Variants in CTNNA3 observed in about 807,000 individuals in gnomAD.
The protein encoded by CTNNA3 is catenin alpha 3, also known as catenin alpha-3.
A neutral mutation model predicts 95.7 loss-of-function variants in CTNNA3; 76 were observed. The observed-to-expected ratio is 0.79, with a 90% CI of 0.66 to 0.96. CTNNA3 has a LOEUF of 0.96. Ranked by LOEUF, CTNNA3 falls within the 40% of genes least tolerant of loss-of-function variation. CTNNA3 has a pLI of 0.00. For synonymous variants in CTNNA3, 431 were observed against 374.4 expected (o/e 1.15, Z -1.74); for missense variants, 1,191 against 1,089.8 (o/e 1.09, Z -1.31).
intron 7 of CTNNA3, among the ~76,000 whole-genome samples, chr10:66,813,310 T>G (rs1422952137): frequency 3.3e-5 from 5 of 152,186 alleles, no homozygotes. Context: ...AACATACAAG[T>G]GTCTTTTTCT....
At chr10:66,245,017 G>A (rs377004043) in intron 13 of CTNNA3, among the ~76,000 whole-genome samples, 83 of 152,268 alleles carry the variant, frequency 5.5e-4, no homozygotes, top group East Asian at 1.4e-3. Context: ...TTGCTTGGGC[G>A]CACTGGGCTC....
Position 66,286,651 on chromosome 10 carries a change from G to C in CTNNA3, c.1733-6030C>G, listed in dbSNP as rs933279987. Among the ~76,000 whole-genome samples the C allele has an allele frequency of 2.0e-5, 3 of 152,124 alleles. No homozygotes were observed. In the East Asian group the frequency reaches 5.8e-4, roughly 30 times the overall value. On this transcript the variant is annotated intron_variant, in intron 12 of 17. Coordinates refer to ENST00000433211, the MANE Select transcript of CTNNA3 (RefSeq NM_013266.4). ...AGTAAAAAGGTGCAGAGGTTTAAAA[G>C]GTACAGAGGTTTATAGGGTGGGATC...
intron 9 of CTNNA3, among the ~76,000 whole-genome samples, chr10:66,640,597 G>A (rs143561224): frequency 1.8e-4 from 27 of 152,174 alleles, no homozygotes; most frequent in East Asian, 3.9e-4. Context: ...AGAACTATCC[G>A]TATCAAAGTA....
intron 1 of CTNNA3, among the ~76,000 whole-genome samples, chr10:67,718,463 A>G (rs926587061): frequency 1.3e-5 from 2 of 149,780 alleles, no homozygotes; most frequent in African/African-American, 4.9e-5. Context: ...ATAAATTTAC[A>G]ATTTTGAGAT....
intron 7 of CTNNA3, among the ~76,000 whole-genome samples, chr10:66,901,343 A>G (rs1845735933): frequency 6.6e-6 from 1 of 152,208 alleles, no homozygotes; most frequent in Admixed American, 6.5e-5. Context: ...TTTTGTCACC[A>G]CCAGGTCTGC....
At chr10:66,376,145 T>C (rs976199211) in intron 12 of CTNNA3, among the ~76,000 whole-genome samples, 5 of 152,162 alleles carry the variant, frequency 3.3e-5, no homozygotes, top group Non-Finnish European at 5.9e-5. Context: ...CTTATGTCCG[T>C]CCACTTCCAG....
chr10:66,804,908 C>A (rs190862632), intron 7 of CTNNA3, among the ~76,000 whole-genome samples: 26 of 152,130 alleles, frequency 1.7e-4, no homozygotes. Context: ...TATATTGATA[C>A]AAAATTTTCC....
intron 2 of CTNNA3, among the ~76,000 whole-genome samples, chr10:67,640,355 G>A (rs1839485227): frequency 6.6e-6 from 1 of 151,924 alleles, no homozygotes; most frequent in Admixed American, 6.6e-5. Context: ...AAATAAAAGA[G>A]GATACAAACA....
intron 5 of CTNNA3, among the ~76,000 whole-genome samples, chr10:67,316,782 G>T (rs1365939878): frequency 6.6e-6 from 1 of 152,148 alleles, no homozygotes; most frequent in African/African-American, 2.4e-5. Flanking sequence ...ACATTCAGAG[G>T]AGGTGATTAA....
chr10:66,587,447 G>T (rs866087294), intron 10 of CTNNA3, among the ~76,000 whole-genome samples: 2 of 152,092 alleles, frequency 1.3e-5, no homozygotes, highest in East Asian at 3.9e-4. Flanking sequence ...GGGCCATGGA[G>T]CTCCCAAACA....
chr10:66,384,148 T>A (rs1335469785), intron 11 of CTNNA3, among the ~76,000 whole-genome samples: 1 of 151,706 alleles, frequency 6.6e-6, no homozygotes, highest in African/African-American at 2.4e-5. Flanking sequence ...AGACACAGAG[T>A]GGCATGTTGG....
At chr10:67,634,674 A>C (rs1839248494) in intron 2 of CTNNA3, among the ~76,000 whole-genome samples, 1 of 152,246 alleles carries the variant, frequency 6.6e-6, no homozygotes, top group South Asian at 2.1e-4. Context: ...CAGAGGTTGC[A>C]ATCCTAGTTT....
intron 9 of CTNNA3, among the ~76,000 whole-genome samples, chr10:66,625,422 T>C (rs1844899333): frequency 1.3e-5 from 2 of 152,102 alleles, no homozygotes; most frequent in Non-Finnish European, 2.9e-5. Context: ...CAAGTCTCAC[T>C]AGGTCGCCCA....
At chr10:66,117,117 T>C (rs2082374967) in intron 13 of CTNNA3, among the ~76,000 whole-genome samples, 1 of 151,910 alleles carries the variant, frequency 6.6e-6, no homozygotes, top group South Asian at 2.1e-4. Context: ...GTGGGAGGAG[T>C]GAACAGATTG....
chr10:66,605,079 G>A (rs923414778), intron 10 of CTNNA3, among the ~76,000 whole-genome samples: 2 of 151,926 alleles, frequency 1.3e-5, no homozygotes, highest in African/African-American at 4.8e-5. Context: ...CAACAGAAAC[G>A]GACAGACAAA....
At chr10:67,605,241 T>A (rs1474399766) in intron 3 of CTNNA3, among the ~76,000 whole-genome samples, 1 of 152,152 alleles carries the variant, frequency 6.6e-6, no homozygotes, top group Non-Finnish European at 1.5e-5. Context: ...GTGAAGAACA[T>A]CATGCTAAGT....
intron 11 of CTNNA3, among the ~76,000 whole-genome samples, chr10:66,434,193 T>C (rs937079111): frequency 6.6e-6 from 1 of 152,042 alleles, no homozygotes; most frequent in South Asian, 2.1e-4. Flanking sequence ...AGTCAATGGT[T>C]GCTTAATGGG....
chr10:66,881,843 T>C lies in CTNNA3; in HGVS notation c.1048-106319A>G, dbSNP rs180821869. 1.9e-4 allele frequency among the ~76,000 whole-genome samples: 29 copies of C among 152,232 alleles called. No individual in the cohort carries two copies. The East Asian group carries it at 5.4e-3, about 28-fold the overall frequency. Reference sequence around the variant, plus strand: ...ATTCATGATACACTAGGACTGAGCTTTTCTTTAACTAATAGAGCTAATTCT... The same window carrying C: ...ATTCATGATACACTAGGACTGAGCTCTTCTTTAACTAATAGAGCTAATTCT... On this transcript the variant is annotated intron_variant, in intron 7 of 17. Coordinates refer to ENST00000433211, the MANE Select transcript of CTNNA3 (RefSeq NM_013266.4).
At chr10:67,395,442 G>T (rs1446512104) in intron 5 of CTNNA3, among the ~76,000 whole-genome samples, 2 of 152,154 alleles carry the variant, frequency 1.3e-5, no homozygotes, top group Non-Finnish European at 2.9e-5. Context: ...CACCAAGCAA[G>T]AATTAAGATA....
Sources: gnomAD v4.1 joint callset for allele counts (sites outside exome capture counted in the v4.1 genomes callset) on GRCh38, gnomAD v4.1.1 for gene constraint, MANE v1.5 for transcripts, NCBI Gene and HGNC (gene_info 2026-07-23, HGNC 2026-07-21) for gene names.